Variants in TDRD3 observed in about 807,000 individuals in gnomAD.
The protein encoded by TDRD3 is tudor domain-containing protein 3.
Under a neutral mutation model 86.7 loss-of-function variants are expected in TDRD3, and 45 were observed. The ratio of observed to expected loss-of-function variants is 0.52; its 90% CI spans 0.41 to 0.67. The LOEUF is 0.67. TDRD3 is among the 30% of genes least tolerant of loss of function. TDRD3 has a pLI of 0.00. For synonymous variants in TDRD3, 298 were observed against 301.7 expected (o/e 0.99, Z 0.13); for missense variants, 814 against 889.0 (o/e 0.92, Z 1.07).
At chr13:60,572,226 C>T (rs539776940) in intron 13 of TDRD3, among the ~76,000 whole-genome samples, 2 of 152,216 alleles carry the variant, frequency 1.3e-5, no homozygotes, top group African/African-American at 2.4e-5. Context: ...GAAGCAGAGT[C>T]CACAGCAAGT....
chr13:60,455,403 C>T (rs1566204171), intron 3 of TDRD3, among the ~76,000 whole-genome samples: 1 of 152,080 alleles, frequency 6.6e-6, no homozygotes, highest in Non-Finnish European at 1.5e-5. Flanking sequence ...CTGTTAAGGG[C>T]AATGGGCCTT....
chr13:60,560,465 T>A (rs915201070), intron 12 of TDRD3, among the ~76,000 whole-genome samples: 1 of 152,236 alleles, frequency 6.6e-6, no homozygotes. Context: ...GATTAAAATA[T>A]GGATGCAGCT....
intron 10 of TDRD3, among the ~76,000 whole-genome samples, chr13:60,512,845 C>G (rs1266388333): frequency 6.6e-6 from 1 of 152,140 alleles, no homozygotes; most frequent in Non-Finnish European, 1.5e-5. Flanking sequence ...GTGTCTGTGG[C>G]TTTTCCAGGT....
chr13:60,532,027 G>A (rs1054636442), intron 11 of TDRD3, among the ~76,000 whole-genome samples: 2 of 152,002 alleles, frequency 1.3e-5, no homozygotes, highest in Admixed American at 6.6e-5. Context: ...GTACTAAAAG[G>A]CCTCCAAATA....
chr13:60,477,870 A>G (rs1956219568), intron 5 of TDRD3, among the ~76,000 whole-genome samples: 1 of 152,150 alleles, frequency 6.6e-6, no homozygotes, highest in African/African-American at 2.4e-5. Flanking sequence ...TGACATCAGG[A>G]TGATGCTGGC....
intron 3 of TDRD3, among the ~76,000 whole-genome samples, chr13:60,447,908 C>A (rs1377253301): frequency 2.6e-5 from 4 of 152,044 alleles, no homozygotes; most frequent in Non-Finnish European, 5.9e-5. Flanking sequence ...TTGTGTGGTG[C>A]CTTTGAAAGG....
At chr13:60,408,295 A>G (rs919994712) in intron 1 of TDRD3, among the ~76,000 whole-genome samples, 1 of 152,228 alleles carries the variant, frequency 6.6e-6, no homozygotes, top group African/African-American at 2.4e-5. Flanking sequence ...TATCAGCAGC[A>G]TGAAAAAGAA....
intron 8 of TDRD3, among the ~76,000 whole-genome samples, chr13:60,497,140 T>TGGA (rs1433332577): frequency 6.6e-6 from 1 of 151,962 alleles, no homozygotes; most frequent in African/African-American, 2.4e-5. Context: ...TCCGGAAGGG[T>TGGA]GGAAGTCAAC....
At chr13:60,476,747 G>T (rs2137458239) in intron 5 of TDRD3, among the ~76,000 whole-genome samples, 1 of 152,130 alleles carries the variant, frequency 6.6e-6, no homozygotes, top group East Asian at 1.9e-4. Context: ...GCAATGTTTT[G>T]TAATTCTCAT....
chr13:60,571,324 A>G (rs1295599088), intron 13 of TDRD3, among the ~76,000 whole-genome samples: 2 of 152,234 alleles, frequency 1.3e-5, no homozygotes, highest in African/African-American at 2.4e-5. Flanking sequence ...CTTGTTACAT[A>G]ACGGAATATA....
At chr13:60,508,343 G>A (rs890581865) in intron 8 of TDRD3, among the ~76,000 whole-genome samples, 1 of 152,150 alleles carries the variant, frequency 6.6e-6, no homozygotes, top group African/African-American at 2.4e-5. Flanking sequence ...AAAGCTGGAG[G>A]CATCATGCTA....
intron 5 of TDRD3, among the ~76,000 whole-genome samples, chr13:60,472,013 T>C (rs2138102228): frequency 6.6e-6 from 1 of 152,274 alleles, no homozygotes; most frequent in Non-Finnish European, 1.5e-5. Context: ...GTTTTTTATA[T>C]ATGGCTTTTA....
chr13:60,451,996 C>T (rs964785161), intron 3 of TDRD3, among the ~76,000 whole-genome samples: 18 of 152,140 alleles, frequency 1.2e-4, no homozygotes, highest in African/African-American at 4.3e-4. Context: ...AAATGCTTCT[C>T]TGAAGAGCAA....
chr13:60,567,344 T>TTTTTCTTTTCTTTTCTTTTCTTTTC (rs141427579), intron 12 of TDRD3, among the ~76,000 whole-genome samples, 181 bp from the exon 13 acceptor site: 254 of 151,478 alleles, frequency 1.7e-3, no homozygotes, highest in East Asian at 5.4e-3. Context: ...TATCCCTGCC[T>TTTTTCTTTTCTTTTCTTTTCTTTTC]TTTTCTTTTC....
chr13:60,466,791 CT>C lies in TDRD3; in HGVS notation c.354-443del, dbSNP rs202044586. On this transcript the variant is annotated intron_variant, in intron 4 of 13. Transcript: ENST00000377881. Reference sequence around the variant, plus strand: ...GGAGCTTGGGTGACGGAGGCTCTGTCTTTTAAAAAAAAAAAAAAAATCTTGT... The same window carrying C: ...GGAGCTTGGGTGACGGAGGCTCTGTCTTTAAAAAAAAAAAAAAAATCTTGT... 4.2e-5 allele frequency among the ~76,000 whole-genome samples: 6 copies of C among 141,552 alleles called. 1 individual carries two copies. Among genetic ancestry groups the C allele is most frequent in the South Asian group, 4.7e-4 (2 of 4,270 alleles). 92.9% of individuals were successfully genotyped at this position (141,552 alleles called of 152,430 possible).
Position 60,567,615 on chromosome 13 carries a change from TACCA to T in TDRD3, c.2214_2217del (p.Gln738HisfsTer20). 6.2e-7 allele frequency: 1 copy of T among 1,614,180 alleles called. No individual in the cohort carries two copies. The highest frequency in any genetic ancestry group is 1.1e-5 in the South Asian group (1 of 91,078). On this transcript the variant is annotated frameshift_variant, in exon 13 of 14. Coordinates refer to ENST00000377881, the MANE Select transcript of TDRD3 (RefSeq NM_001146070.2). LOFTEE classifies it high-confidence loss of function. ...ATCCACTCGGCCAACCCAACAGTTT[TACCA>T]ACCACCCCGGGCTCGGAACTAATAG...
At chr13:60,489,724 G>C (rs1467954341) in intron 7 of TDRD3, among the ~76,000 whole-genome samples, 1 of 151,610 alleles carries the variant, frequency 6.6e-6, no homozygotes, top group Non-Finnish European at 1.5e-5. Flanking sequence ...TCCTCTACAA[G>C]GCATACTTTT....
intron 4 of TDRD3, among the ~76,000 whole-genome samples, chr13:60,465,903 C>T (rs1955913329): frequency 6.6e-6 from 1 of 152,066 alleles, no homozygotes; most frequent in Admixed American, 6.5e-5. Flanking sequence ...TGGGGTGGGG[C>T]TTGGTGTGTA....
chr13:60,524,629 T>TA (rs1957369785), intron 10 of TDRD3, among the ~76,000 whole-genome samples: 1 of 152,158 alleles, frequency 6.6e-6, no homozygotes. Context: ...TCAAAATACT[T>TA]ACTTTATATA....
Sources: gnomAD v4.1 joint callset for allele counts (sites outside exome capture counted in the v4.1 genomes callset) on GRCh38, gnomAD v4.1.1 for gene constraint, MANE v1.5 for transcripts, NCBI Gene and HGNC (gene_info 2026-07-23, HGNC 2026-07-21) for gene names.